DYRK1A: variants seen among roughly 807,000 people sequenced by gnomAD.
DYRK1A encodes dual specificity tyrosine-phosphorylation-regulated kinase 1A.
Under a neutral mutation model 79.7 loss-of-function variants are expected in DYRK1A, and 9 were observed. The ratio of observed to expected loss-of-function variants is 0.11; its 90% CI spans 0.07 to 0.20. The LOEUF (loss-of-function observed/expected upper bound fraction) is 0.20. Among genes scored for constraint, DYRK1A ranks in the 10% least tolerant of loss-of-function variants. The pLI is 1.00. For missense variants in DYRK1A, 622 were observed against 956.0 expected, an observed-to-expected ratio of 0.65 and a Z score of 4.61; for synonymous variants, 349 against 329.7, an observed-to-expected ratio of 1.06 and a Z score of -0.63.
At position 37,493,177 on chromosome 21, in the gene DYRK1A, TG is replaced by T. The variant is rs746262230; in HGVS notation, c.1071+15del. On this transcript the variant is annotated intron_variant, in intron 8 of 11. Transcript: ENST00000647188. ...GGTGCCAATGAGGTAAATGATGTAT[TG>T]CTTTACAAATTCTGTTTTCATAATT... 6.4e-7 allele frequency: 1 copy of T among 1,571,770 alleles called. No homozygotes were observed. The highest frequency in any genetic ancestry group is 1.2e-5 in the South Asian group (1 of 86,450).
intron 1 of DYRK1A, among the ~76,000 whole-genome samples, chr21:37,389,064 G>A (rs1010498655): frequency 6.6e-6 from 1 of 151,430 alleles, no homozygotes; most frequent in Non-Finnish European, 1.5e-5. Context: ...TTTTTTAAGA[G>A]ATGGAGTCTT....
chr21:37,398,356 AT>A (rs1256932771), intron 1 of DYRK1A, among the ~76,000 whole-genome samples: 2 of 151,464 alleles, frequency 1.3e-5, no homozygotes, highest in African/African-American at 2.4e-5. Context: ...AAAAAAAAAA[AT>A]AAAAGTGCCG....
chr21:37,453,140 GT>G (rs2051514240), intron 2 of DYRK1A, among the ~76,000 whole-genome samples: 1 of 151,960 alleles, frequency 6.6e-6, no homozygotes. Flanking sequence ...CAAAGCAACA[GT>G]AAAATTAAAC....
chr21:37,427,884 G>A (rs1442134001), intron 2 of DYRK1A, among the ~76,000 whole-genome samples: 1 of 152,010 alleles, frequency 6.6e-6, no homozygotes, highest in Non-Finnish European at 1.5e-5. Flanking sequence ...TGTTACTCAT[G>A]TTTTTTGTGA....
intron 1 of DYRK1A, among the ~76,000 whole-genome samples, chr21:37,399,554 ATGT>A (rs1569292602): frequency 6.6e-6 from 1 of 152,212 alleles, no homozygotes; most frequent in Non-Finnish European, 1.5e-5. Context: ...TTGTACTTTC[ATGT>A]TGTTGACAGT....
chr21:37,389,593 G>A (rs1422100491), intron 1 of DYRK1A, among the ~76,000 whole-genome samples: 2 of 152,094 alleles, frequency 1.3e-5, no homozygotes, highest in Non-Finnish European at 2.9e-5. Context: ...TTCTCTGCTT[G>A]TTTTGGTTTC....
intron 1 of DYRK1A, among the ~76,000 whole-genome samples, chr21:37,369,157 T>C (rs1457218961): frequency 6.6e-6 from 1 of 152,272 alleles, no homozygotes; most frequent in African/African-American, 2.4e-5. Context: ...GTGACCCTTT[T>C]ATAGTTTATG....
intron 1 of DYRK1A, among the ~76,000 whole-genome samples, chr21:37,408,354 G>A (rs1203790773): frequency 1.3e-5 from 2 of 152,198 alleles, no homozygotes; most frequent in Non-Finnish European, 2.9e-5. Flanking sequence ...ATATACAGAA[G>A]TGGAGAGAAT....
intron 1 of DYRK1A, among the ~76,000 whole-genome samples, chr21:37,414,947 G>A (rs2050309424): frequency 6.6e-6 from 1 of 152,170 alleles, no homozygotes. Flanking sequence ...TAGTAACAGA[G>A]TACCTGTACT....
intron 2 of DYRK1A, among the ~76,000 whole-genome samples, chr21:37,434,035 G>A (rs992609363): frequency 6.6e-6 from 1 of 152,076 alleles, no homozygotes; most frequent in East Asian, 1.9e-4. Context: ...CAGAATTCCT[G>A]AGTAGAGAGA....
Position 37,453,560 on chromosome 21 carries a change from C to G in DYRK1A, c.11-19124C>G, listed in dbSNP as rs974951705. Reference sequence around the variant, plus strand: ...AGCACGTGACTGATGGAGGAAAGCCCGAGCAGGTGTTTGGTCCAGGGGTCT... The same window carrying G: ...AGCACGTGACTGATGGAGGAAAGCCGGAGCAGGTGTTTGGTCCAGGGGTCT... On this transcript the variant is annotated intron_variant, in intron 2 of 11. Coordinates refer to ENST00000647188, the MANE Select transcript of DYRK1A (RefSeq NM_001347721.2). Among the ~76,000 whole-genome samples, 6 of 152,146 alleles carry G rather than the reference C, an allele frequency of 3.9e-5. No homozygotes were observed. The South Asian group carries it at 8.3e-4, about 21-fold the overall frequency.
At position 37,406,749 on chromosome 21, in the gene DYRK1A, C is replaced by CTA; in HGVS notation, c.-76-13544_-76-13543dup. Among the ~76,000 whole-genome samples the CTA allele has an allele frequency of 2.7e-5, 4 of 147,716 alleles. No individual in the cohort carries two copies. The Admixed American group carries it at 2.7e-4, about 10-fold the overall frequency. On this transcript the variant is annotated intron_variant, in intron 1 of 11. Coordinates refer to ENST00000647188, the MANE Select transcript of DYRK1A (RefSeq NM_001347721.2). Reference sequence around the variant, plus strand: ...TATCTATGTATATCTCTATATATCTCTATATATCTATATATGTATATATCT... The same window carrying CTA: ...TATCTATGTATATCTCTATATATCTCTATATATATCTATATATGTATATATCT...
At chr21:37,408,717 T>TA (rs1225996313) in intron 1 of DYRK1A, among the ~76,000 whole-genome samples, 7 of 152,262 alleles carry the variant, frequency 4.6e-5, no homozygotes. Context: ...TGTGCTTACT[T>TA]ATCTCATCTT....
intron 1 of DYRK1A, 57 bp from the exon 2 acceptor site, chr21:37,420,242 T>C (rs550162333): frequency 5.1e-5 from 30 of 584,012 alleles, no homozygotes; most frequent in Admixed American, 3.9e-4. Context: ...TATTCCTCAG[T>C]TGGGGTAATT....
At chr21:37,431,500 A>G (rs377165002) in intron 2 of DYRK1A, among the ~76,000 whole-genome samples, 23 of 152,222 alleles carry the variant, frequency 1.5e-4, no homozygotes, top group African/African-American at 5.1e-4. Flanking sequence ...TTGGGTTTCG[A>G]CCGGGTGTTT....
intron 1 of DYRK1A, among the ~76,000 whole-genome samples, chr21:37,406,575 A>G (rs1164089130): frequency 2.6e-5 from 4 of 151,980 alleles, no homozygotes; most frequent in Admixed American, 6.6e-5. Context: ...CATGCCTATA[A>G]TCTGTAATCC....
intron 2 of DYRK1A, among the ~76,000 whole-genome samples, chr21:37,428,014 G>A (rs1038895810): frequency 6.6e-6 from 1 of 151,866 alleles, no homozygotes; most frequent in African/African-American, 2.4e-5. Flanking sequence ...TTATTTACAG[G>A]TATTAACTTA....
chr21:37,393,496 T>C (rs1188473174), intron 1 of DYRK1A, among the ~76,000 whole-genome samples: 4 of 152,190 alleles, frequency 2.6e-5, no homozygotes, highest in Non-Finnish European at 5.9e-5. Context: ...TTTTGAATTA[T>C]TTGTTAAAGA....
intron 2 of DYRK1A, chr21:37,421,910 A>G (rs1401548922): frequency 6.6e-6 from 1 of 152,124 alleles, no homozygotes; most frequent in Non-Finnish European, 1.5e-5. Flanking sequence ...TCATAGATTT[A>G]TCTATGAATA....
Sources: gnomAD v4.1 joint callset for allele counts (sites outside exome capture counted in the v4.1 genomes callset) on GRCh38, gnomAD v4.1.1 for gene constraint, MANE v1.5 for transcripts, NCBI Gene and HGNC (gene_info 2026-07-23, HGNC 2026-07-21) for gene names.